Variants in MACROD2 observed in about 807,000 individuals in gnomAD.
MACROD2 encodes the protein mono-ADP ribosylhydrolase 2.
In MACROD2, 36 loss-of-function variants were observed where a neutral mutation model predicts 70.4. That is an observed-to-expected ratio of 0.51 (90% CI 0.39 to 0.68). MACROD2 has a LOEUF of 0.68. MACROD2 is among the 30% of genes least tolerant of loss of function. The probability of loss-of-function intolerance (pLI) is 0.00; values close to 1 mark genes in which losing one functional copy is unlikely to be tolerated. For missense variants in MACROD2, 496 were observed against 538.4 expected, an observed-to-expected ratio of 0.92 and a Z score of 0.78; for synonymous variants, 172 against 178.8, an observed-to-expected ratio of 0.96 and a Z score of 0.30.
chr20:14,297,729 A>G lies in MACROD2; in HGVS notation c.272-195750A>G, dbSNP rs2122474789. On this transcript the variant is annotated intron_variant, in intron 3 of 17. Coordinates refer to ENST00000684519, the MANE Select transcript of MACROD2 (RefSeq NM_001351661.2). Reference sequence around the variant, plus strand: ...CAGTGTCGTTGTAGAAACTGCTGCAAGTTATCAAGAAGATCTAGCTAAGAC... The same window carrying G: ...CAGTGTCGTTGTAGAAACTGCTGCAGGTTATCAAGAAGATCTAGCTAAGAC... 1.3e-5 allele frequency among the ~76,000 whole-genome samples: 2 copies of G among 152,096 alleles called. 1 individual carries two copies. The highest frequency in any genetic ancestry group is 4.8e-5 in the African/African-American group (2 of 41,386).
At chr20:14,776,883 C>T (rs1233375470) in intron 5 of MACROD2, among the ~76,000 whole-genome samples, 1 of 151,978 alleles carries the variant, frequency 6.6e-6, no homozygotes. Context: ...TGCCTATTTT[C>T]CAAATTTAAA....
chr20:14,758,106 T>TAAA, intron 5 of MACROD2: 1 of 280,426 alleles, frequency 3.6e-6, no homozygotes, highest in Non-Finnish European at 6.6e-6. Flanking sequence ...CAAAAAAGCT[T>TAAA]AAAAAAAAAA....
intron 3 of MACROD2, among the ~76,000 whole-genome samples, chr20:14,199,077 A>G (rs1443191223): frequency 6.6e-6 from 1 of 150,828 alleles, no homozygotes; most frequent in Non-Finnish European, 1.5e-5. Flanking sequence ...AAAGCATGAC[A>G]TTTGACCTTT....
chr20:15,081,675 G>C (rs1445421458), intron 5 of MACROD2, among the ~76,000 whole-genome samples: 1 of 152,090 alleles, frequency 6.6e-6, no homozygotes, highest in Non-Finnish European at 1.5e-5. Flanking sequence ...ATAACCAAGA[G>C]GGGTGAGTAG....
intron 3 of MACROD2, among the ~76,000 whole-genome samples, chr20:14,285,109 G>GA (rs1201274209): frequency 6.6e-6 from 1 of 151,848 alleles, no homozygotes; most frequent in African/African-American, 2.4e-5. Context: ...AGAAAGGAAA[G>GA]AAAAAAATAC....
At chr20:14,208,246 C>T (rs946031630) in intron 3 of MACROD2, among the ~76,000 whole-genome samples, 24 of 152,142 alleles carry the variant, frequency 1.6e-4, no homozygotes, top group African/African-American at 5.8e-4. Context: ...TATATTGAAT[C>T]ATCTCCCTTT....
chr20:14,548,276 A>G (rs1308107447), intron 4 of MACROD2, among the ~76,000 whole-genome samples: 3 of 152,144 alleles, frequency 2.0e-5, no homozygotes, highest in Non-Finnish European at 4.4e-5. Flanking sequence ...TGAGTAAATG[A>G]TTACTCCATG....
intron 10 of MACROD2, among the ~76,000 whole-genome samples, chr20:15,930,179 C>T (rs905141883): frequency 1.3e-5 from 2 of 152,192 alleles, no homozygotes; most frequent in Admixed American, 6.5e-5. Context: ...CAAGTTTACA[C>T]ATCCCTCTAC....
intron 12 of MACROD2, among the ~76,000 whole-genome samples, chr20:15,958,778 G>T (rs999817848): frequency 8.5e-5 from 13 of 152,156 alleles, no homozygotes; most frequent in Admixed American, 2.6e-4. Flanking sequence ...GCTAGATGAG[G>T]TTATGAGGGT....
At chr20:14,514,681 A>G (rs1255473834) in intron 4 of MACROD2, among the ~76,000 whole-genome samples, 1 of 152,084 alleles carries the variant, frequency 6.6e-6, no homozygotes, top group East Asian at 1.9e-4. Context: ...ATCCTGTTGA[A>G]CCCAGAAGAA....
At chr20:14,270,086 T>C (rs920909669) in intron 3 of MACROD2, among the ~76,000 whole-genome samples, 1 of 152,192 alleles carries the variant, frequency 6.6e-6, no homozygotes, top group Non-Finnish European at 1.5e-5. Context: ...TTTGGTATTG[T>C]CTGTTTTTTT....
At chr20:15,205,211 A>C (rs941691490) in intron 5 of MACROD2, among the ~76,000 whole-genome samples, 1 of 152,184 alleles carries the variant, frequency 6.6e-6, no homozygotes, top group Non-Finnish European at 1.5e-5. Context: ...GAATTTAAAC[A>C]TCTAGACAGA....
intron 8 of MACROD2, among the ~76,000 whole-genome samples, chr20:15,749,542 T>C (rs917591654): frequency 4.6e-5 from 7 of 152,048 alleles, no homozygotes; most frequent in East Asian, 1.9e-4. Context: ...TTTTGTGACA[T>C]TGACTTTTCA....
chr20:14,467,043 C>G (rs1439352323), intron 3 of MACROD2, among the ~76,000 whole-genome samples: 1 of 152,118 alleles, frequency 6.6e-6, no homozygotes, highest in Admixed American at 6.5e-5. Context: ...CTGGGAGAAC[C>G]ACTACTCTCT....
intron 8 of MACROD2, among the ~76,000 whole-genome samples, chr20:15,505,840 C>T (rs1011405558): frequency 2.6e-5 from 4 of 152,146 alleles, no homozygotes; most frequent in African/African-American, 9.7e-5. Context: ...TTTCTCTCCT[C>T]GCGTACAAGG....
At chr20:14,337,780 G>A (rs1283717580) in intron 3 of MACROD2, among the ~76,000 whole-genome samples, 1 of 152,182 alleles carries the variant, frequency 6.6e-6, no homozygotes, top group Non-Finnish European at 1.5e-5. Context: ...CAGCCAAAAT[G>A]AAGCATCAGC....
At chr20:15,807,761 G>A (rs1179864447) in intron 8 of MACROD2, among the ~76,000 whole-genome samples, 3 of 151,782 alleles carry the variant, frequency 2.0e-5, no homozygotes, top group Admixed American at 6.6e-5. Flanking sequence ...TACATATGTT[G>A]CCAACATAAT....
intron 3 of MACROD2, among the ~76,000 whole-genome samples, chr20:14,431,950 C>G (rs534501679): frequency 1.4e-4 from 22 of 152,282 alleles, no homozygotes; most frequent in African/African-American, 5.3e-4. Flanking sequence ...TAGAGTACTT[C>G]CACAGCAGAG....
rs1044755855 is a variant in MACROD2 at position 14,250,050 on chromosome 20, G to C, written c.271+164322G>C. 2.6e-5 allele frequency among the ~76,000 whole-genome samples: 4 copies of C among 151,930 alleles called. No individual in the cohort carries two copies. In the East Asian group the frequency reaches 7.8e-4, roughly 30 times the overall value. ...GAGAATAACTTTACAAAATATTGAG[G>C]GTAATAATTACAAAGTTTGGCCTAC... On this transcript the variant is annotated intron_variant, in intron 3 of 17. Transcript: ENST00000684519.
Sources: allele counts gnomAD v4.1 joint callset (sites outside exome capture counted in the v4.1 genomes callset), GRCh38; gene constraint gnomAD v4.1.1; transcripts MANE v1.5; gene names NCBI Gene and HGNC (gene_info 2026-07-23, HGNC 2026-07-21).